AGAP3: variants seen among roughly 807,000 people sequenced by gnomAD.
AGAP3 encodes ArfGAP with GTPase domain, ankyrin repeat and PH domain 3.
Under a neutral mutation model 96.9 loss-of-function variants are expected in AGAP3, and 24 were observed. The observed-to-expected ratio is 0.25, with a 90% confidence interval of 0.18 to 0.35. AGAP3 has a LOEUF of 0.35. Among genes scored for constraint, AGAP3 ranks in the 10% least tolerant of loss-of-function variants. AGAP3 has a pLI of 1.00. For missense variants in AGAP3, 876 were observed against 1,254.2 expected, an observed-to-expected ratio of 0.70 and a Z score of 4.55; for synonymous variants, 563 against 536.1, an observed-to-expected ratio of 1.05 and a Z score of -0.69.
At position 151,138,123 on chromosome 7, in the gene AGAP3, C is replaced by G. The variant is rs114966412; in HGVS notation, c.1496-20C>G. On this transcript the variant is annotated intron_variant, in intron 11 of 17. Coordinates refer to ENST00000397238, the MANE Select transcript of AGAP3 (RefSeq NM_031946.7). ...CCCCTGCCCGGCCTCCCTTCCCAGT[C>G]TGACCCTTCCCGCCCCCAGGTGCCC... 2 of 1,567,342 alleles carry G rather than the reference C, an allele frequency of 1.3e-6. No homozygotes were observed. The highest frequency in any genetic ancestry group is 2.3e-5 in the South Asian group (2 of 85,972).
At position 151,123,863 on chromosome 7, in the gene AGAP3, G is replaced by A; in HGVS notation, c.1198G>A (p.Gly400Ser). The change falls in exon 9 of 18, where the codon GGC (glycine) becomes AGC (serine). Residue 400 changes from glycine (G) to serine (S), a missense_variant. Gly to Ser is a moderately conservative substitution (Grantham distance 56). Coordinates refer to ENST00000397238, the MANE Select transcript of AGAP3 (RefSeq NM_031946.7). ...GTGCAAGGTGGACAGCATCGGGAGC[G>A]GCCGCGCCATCCCCATCAAGCAGGT... ...AECKVDSIGSGRAIPIKQGIL... is the reference protein window; with the variant it reads ...AECKVDSIGSSRAIPIKQGIL... The A allele has an allele frequency of 1.9e-6, 3 of 1,610,244 alleles. No homozygotes were observed. Among genetic ancestry groups the A allele is most frequent in the South Asian group, 1.1e-5 (1 of 91,072 alleles).
intron 1 of AGAP3, among the ~76,000 whole-genome samples, chr7:151,088,045 T>G (rs1407320564): frequency 6.6e-6 from 1 of 152,170 alleles, no homozygotes; most frequent in Non-Finnish European, 1.5e-5. Context: ...TTGGCCTCAG[T>G]GGAAATGCAG....
At chr7:151,107,772 C>T (rs2150437620) in intron 1 of AGAP3, among the ~76,000 whole-genome samples, 1 of 152,330 alleles carries the variant, frequency 6.6e-6, no homozygotes, top group Middle Eastern at 3.4e-3. Context: ...GGGACTGCAG[C>T]TGGCCTGCCT....
chr7:151,135,072 C>T (rs919684572), intron 11 of AGAP3, among the ~76,000 whole-genome samples: 4 of 152,104 alleles, frequency 2.6e-5, no homozygotes, highest in Non-Finnish European at 4.4e-5. Context: ...AGAGCTGTTG[C>T]GTTCTTGCCT....
intron 10 of AGAP3, among the ~76,000 whole-genome samples, 178 bp downstream of exon 10, chr7:151,128,862 G>A (rs762637536): frequency 4.6e-5 from 7 of 152,216 alleles, no homozygotes; most frequent in African/African-American, 1.7e-4. Flanking sequence ...CACAAGACCC[G>A]GCTGGCCCCT....
chr7:151,095,004 AGCTGGGACTCAG>A (rs1798542607), intron 1 of AGAP3, among the ~76,000 whole-genome samples: 2 of 152,184 alleles, frequency 1.3e-5, no homozygotes, highest in African/African-American at 4.8e-5. Context: ...CCTCTTGAGT[AGCTGGGACTCAG>A]GCATGTGTCA....
Position 151,143,248 on chromosome 7 carries a change from G to C in AGAP3, c.2274-93G>C. The C allele has an allele frequency of 6.9e-7, 1 of 1,442,976 alleles. No homozygotes were observed. Among genetic ancestry groups the C allele is most frequent in the East Asian group, 2.3e-5 (1 of 43,424 alleles). 89.4% of individuals were successfully genotyped at this position (1,442,976 alleles called of 1,614,324 possible). ...CTCACTGTTTCTTCCTTGTTCCCCC[G>C]GGTGCTCGCTTCCTTTCCTGCCCAC... On this transcript the variant is annotated intron_variant, in intron 16 of 17. Transcript: ENST00000397238. This position sits in a 1 kb window ranked among gnomAD's most constrained non-coding sequence, Gnocchi z 5.9.
rs761374883 is a variant in AGAP3, at chr7:151,142,196, G to A, written c.1993G>A (p.Val665Met). The A allele has an allele frequency of 9.3e-6, 15 of 1,613,678 alleles. No homozygotes were observed. In the African/African-American group the frequency reaches 1.7e-4, roughly 19 times the overall value. ...GGGGAACCAGAACGCAGCTCTGGCT[G>A]TGCAGGCCGTCCGCACCGTCCGCGG... The part of the protein sequence containing the change: ...RLGNQNAALA[V>M]QAVRTVRGNS... The change falls in exon 15 of 18, where the codon GTG (valine) becomes ATG (methionine). Residue 665 changes from valine to methionine, a missense_variant. Val to Met is a conservative substitution (Grantham distance 21). Coordinates refer to ENST00000397238, the MANE Select transcript of AGAP3 (RefSeq NM_031946.7). This position sits in a 1 kb window ranked among gnomAD's most constrained non-coding sequence, Gnocchi z 7.5.
At chr7:151,138,917 G>A (rs750089009) in intron 12 of AGAP3, among the ~76,000 whole-genome samples, 3 of 152,064 alleles carry the variant, frequency 2.0e-5, no homozygotes, top group Non-Finnish European at 4.4e-5. Flanking sequence ...TGACTCCACC[G>A]CCTCTCCCGT....
rs1799721998 is a variant in AGAP3, at chr7:151,118,794, C to T, written c.969+162C>T. On this transcript the variant is annotated intron_variant, in intron 7 of 17. Transcript: ENST00000397238. The surrounding 1 kb of genome is among the most constrained non-coding windows in gnomAD (Gnocchi z 6.1). The stretch of plus-strand genomic sequence containing the variant: ...AAACATTGGTTGGAATTCCATTTAG[C>T]CGGCACCGTAGCCTTGGCCTCATCC... Among the ~76,000 whole-genome samples the T allele has an allele frequency of 6.6e-6, 1 of 152,210 alleles. No individual in the cohort carries two copies. Among genetic ancestry groups the T allele is most frequent in the African/African-American group, 2.4e-5 (1 of 41,454 alleles).
At chr7:151,087,163 C>T (rs751775035) in intron 1 of AGAP3, 91 bp downstream of exon 1, 1 of 1,377,406 alleles carries the variant, frequency 7.3e-7, no homozygotes, top group South Asian at 1.2e-5. Flanking sequence ...GCCATGCTCT[C>T]CCTGTCGGGG....
chr7:151,117,898 T>G, intron 5 of AGAP3, 121 bp downstream of exon 5: 1 of 1,351,052 alleles, frequency 7.4e-7, no homozygotes, highest in Non-Finnish European at 9.8e-7. Flanking sequence ...CAGTGCTGAC[T>G]GGGACCCTCA....
Position 151,108,009 on chromosome 7 carries a change from G to GC in AGAP3, c.332-8783dup, listed in dbSNP as rs1487048624. 6.6e-6 allele frequency among the ~76,000 whole-genome samples: 1 copy of GC among 152,244 alleles called. No homozygotes were observed. The highest frequency in any genetic ancestry group is 2.4e-5 in the African/African-American group (1 of 41,462). On this transcript the variant is annotated intron_variant, in intron 1 of 17. Transcript: ENST00000397238. The surrounding 1 kb of genome is among the most constrained non-coding windows in gnomAD (Gnocchi z 4.2). The stretch of plus-strand genomic sequence containing the variant: ...ATCCTCTGGCACGGCACCGGCCCAT[G>GC]CGGGGGGTGCAGCACATGCTGGTCG...
At position 151,086,949 on chromosome 7, in the gene AGAP3, C is replaced by G. The variant is rs1157582823; in HGVS notation, c.208C>G (p.Arg70Gly). ...QFALSNSAAI[R>G]AEIQRFESVH... Reference sequence around the variant, plus strand: ...CGCGCTCTCCAACTCCGCGGCCATCCGGGCCGAGATCCAGCGCTTCGAGTC... The same window carrying G: ...CGCGCTCTCCAACTCCGCGGCCATCGGGGCCGAGATCCAGCGCTTCGAGTC... Residue 70 changes from arginine (R) to glycine (G), a missense_variant, in exon 1 of 18, where the codon CGG becomes GGG. Arg to Gly is a moderately radical substitution (Grantham distance 125). This residue lies in a region of AGAP3 where 62 missense variants were observed against 82.8 expected (regional missense o/e 0.75). Transcript: ENST00000397238. The G allele has an allele frequency of 6.2e-7, 1 of 1,611,208 alleles. No homozygotes were observed. The highest frequency in any genetic ancestry group is 1.7e-5 in the Admixed American group (1 of 59,868).
chr7:151,118,712 C>T lies in AGAP3; in HGVS notation c.969+80C>T, dbSNP rs1278030953. On this transcript the variant is annotated intron_variant, in intron 7 of 17. Transcript: ENST00000397238. This position sits in a 1 kb window ranked among gnomAD's most constrained non-coding sequence, Gnocchi z 6.1. The stretch of plus-strand genomic sequence containing the variant: ...CTGTGCGTCCTGCCACTTCTGCTGG[C>T]CTCCTGCTCACACCTGTCCACCTTC... 1.4e-5 allele frequency: 22 copies of T among 1,548,596 alleles called. No homozygotes were observed. The highest frequency in any genetic ancestry group is 2.3e-5 in the East Asian group (1 of 44,290).
At chr7:151,115,383 T>G (rs1285504242) in intron 1 of AGAP3, 24 of 1,020,358 alleles carry the variant, frequency 2.4e-5, no homozygotes, top group African/African-American at 3.5e-5. Context: ...GCGCTCCGAG[T>G]CAGGGCTGCT....
chr7:151,087,561 C>T lies in AGAP3; in HGVS notation c.331+489C>T, dbSNP rs1798211748. ...CGGCGCCCTCTCCCGACGCACACCCCCTACGCCGCGGCGGCCAAGCGGGAG... is the reference window on the plus strand; with the variant it reads ...CGGCGCCCTCTCCCGACGCACACCCTCTACGCCGCGGCGGCCAAGCGGGAG... On this transcript the variant is annotated intron_variant, in intron 1 of 17. Coordinates refer to ENST00000397238, the MANE Select transcript of AGAP3 (RefSeq NM_031946.7). 2.6e-5 allele frequency among the ~76,000 whole-genome samples: 4 copies of T among 152,084 alleles called. No homozygotes were observed. In the South Asian group the frequency reaches 8.3e-4, roughly 31 times the overall value.
chr7:151,137,346 C>T (rs964489909), intron 11 of AGAP3, among the ~76,000 whole-genome samples: 3 of 152,228 alleles, frequency 2.0e-5, no homozygotes, highest in South Asian at 2.1e-4. Flanking sequence ...GTTCGGCCCC[C>T]GTGTTCTTAG....
intron 1 of AGAP3, among the ~76,000 whole-genome samples, chr7:151,113,427 CA>C (rs1419802608): frequency 4.6e-5 from 7 of 152,218 alleles, no homozygotes; most frequent in Non-Finnish European, 1.0e-4. Context: ...CTCTTTTCTG[CA>C]GGGAGCACCT....
Sources: gnomAD v4.1 joint callset for allele counts (sites outside exome capture counted in the v4.1 genomes callset) on GRCh38, gnomAD v4.1.1 for gene constraint, gnomAD v4.1.1 regional missense constraint, Gnocchi (gnomAD v3.1) non-coding constraint, MANE v1.5 for transcripts, NCBI Gene and HGNC (gene_info 2026-07-23, HGNC 2026-07-21) for gene names.